The following PCDHGA7 variants were observed in gnomAD, a reference collection of about 807,000 sequenced individuals.
PCDHGA7 encodes the protein protocadherin gamma subfamily A, 7.
A neutral mutation model predicts 58.3 loss-of-function variants in PCDHGA7; 44 were observed. That is an observed-to-expected ratio of 0.75 (90% confidence interval 0.59 to 0.97). The LOEUF (loss-of-function observed/expected upper bound fraction) is 0.97, where lower values mean the gene tolerates loss of function less well. PCDHGA7 is among the 50% of genes least tolerant of loss of function. The probability of loss-of-function intolerance (pLI) is 0.00; values close to 1 mark genes in which losing one functional copy is unlikely to be tolerated. For synonymous variants in PCDHGA7, 516 were observed against 504.2 expected (o/e 1.02, Z -0.31); for missense variants, 1,266 against 1,188.7 (o/e 1.06, Z -0.96).
chr5:141,423,897 T>G, intron 1 of PCDHGA7: 7 of 1,278,866 alleles, frequency 5.5e-6, no homozygotes, highest in Non-Finnish European at 6.9e-6. Flanking sequence ...TTTCTTTTGA[T>G]TTCAAAGGGG....
In PCDHGA7 at chr5:141,431,643, A is replaced by G. The variant is rs528599572; in HGVS notation, c.2424+46320A>G. Reference sequence around the variant, plus strand: ...AAGGCGGCCCAAGTTTTCAAACTAGATTGTAATTCAGGGACAATATCAACA... The same window carrying G: ...AAGGCGGCCCAAGTTTTCAAACTAGGTTGTAATTCAGGGACAATATCAACA... On this transcript the variant is annotated intron_variant, in intron 1 of 3. Coordinates refer to ENST00000518325, the MANE Select transcript of PCDHGA7 (RefSeq NM_018920.4). The surrounding 1 kb of genome is among the most constrained non-coding windows in gnomAD (Gnocchi z 4.8). 5.0e-5 allele frequency: 81 copies of G among 1,614,240 alleles called. No individual in the cohort carries two copies. In the South Asian group the frequency reaches 7.4e-4, roughly 15 times the overall value.
intron 1 of PCDHGA7, chr5:141,422,368 G>A: frequency 1.9e-6 from 3 of 1,565,294 alleles, no homozygotes; most frequent in Non-Finnish European, 2.6e-6. Context: ...TGGAGAAAAT[G>A]GTCAAGTCTC....
At chr5:141,389,513 C>T (rs749432491) in intron 1 of PCDHGA7, 3 of 1,613,156 alleles carry the variant, frequency 1.9e-6, no homozygotes, top group South Asian at 1.1e-5. Context: ...TCAGCGCGAA[C>T]GTGAGCCTGC....
intron 1 of PCDHGA7, chr5:141,389,146 C>A (rs567517174): frequency 3.7e-6 from 6 of 1,614,000 alleles, no homozygotes; most frequent in South Asian, 3.3e-5. Flanking sequence ...ATAACCGTTA[C>A]GGCAACAGAT....
At position 141,432,783 on chromosome 5, in the gene PCDHGA7, T is replaced by G; in HGVS notation, c.2424+47460T>G. The G allele has an allele frequency of 6.2e-7, 1 of 1,614,118 alleles. No individual in the cohort carries two copies. On this transcript the variant is annotated intron_variant, in intron 1 of 3. Transcript: ENST00000518325. The surrounding 1 kb of genome is among the most constrained non-coding windows in gnomAD (Gnocchi z 6.0). ...AGCATCCCCCAAGTCCTGGCGGACC[T>G]CGGCAGCCTCGAGTCTCCAGCTAAC...
rs752088903 is a variant in PCDHGA7, at chr5:141,490,784, G to A, written c.2425-4023G>A. The A allele has an allele frequency of 1.7e-5, 27 of 1,613,906 alleles. No individual in the cohort carries two copies. The highest frequency in any genetic ancestry group is 1.2e-4 in the African/African-American group (9 of 74,922). The stretch of plus-strand genomic sequence containing the variant: ...GTGTATGTCAACCCAGAGGATGGAC[G>A]GATCTTTGCCCAGCGTACCTTTGAC... On this transcript the variant is annotated intron_variant, in intron 1 of 3. Transcript: ENST00000518325. This position sits in a 1 kb window ranked among gnomAD's most constrained non-coding sequence, Gnocchi z 5.4.
chr5:141,448,915 A>T (rs2098616551), intron 1 of PCDHGA7, among the ~76,000 whole-genome samples: 1 of 152,238 alleles, frequency 6.6e-6, no homozygotes. Context: ...ACTGCACTCC[A>T]GCCTGGGCGA....
At chr5:141,426,096 T>C (rs1296875718) in intron 1 of PCDHGA7, among the ~76,000 whole-genome samples, 6 of 152,230 alleles carry the variant, frequency 3.9e-5, no homozygotes, top group Non-Finnish European at 8.8e-5. Flanking sequence ...GATATTCTGT[T>C]CAGTCACAGA....
At position 141,383,082 on chromosome 5, in the gene PCDHGA7, G is replaced by A; in HGVS notation, c.183G>A (p.Glu61=). 2 of 1,613,934 alleles carry A rather than the reference G, an allele frequency of 1.2e-6. No individual in the cohort carries two copies. The highest frequency in any genetic ancestry group is 2.7e-5 in the African/African-American group (2 of 75,074). ...DLGLEPRELA[E]RGVRIISRGR... ...GGCTGGAGCCCCGGGAGCTGGCGGA[G>A]CGCGGAGTCCGCATCATCTCCAGAG... Residue 61 remains glutamate, a synonymous_variant, in exon 1 of 4, where the codon GAG becomes GAA. Coordinates refer to ENST00000518325, the MANE Select transcript of PCDHGA7 (RefSeq NM_018920.4).
chr5:141,420,256 T>C (rs377440259), intron 1 of PCDHGA7: 2 of 1,569,010 alleles, frequency 1.3e-6, no homozygotes, highest in Non-Finnish European at 1.7e-6. Flanking sequence ...TTGAAGCAGA[T>C]AAGAAGATTC....
At chr5:141,505,344 AGCT>A in intron 2 of PCDHGA7, 46 bp from the exon 3 acceptor site, 1 of 1,613,046 alleles carries the variant, frequency 6.2e-7, no homozygotes, top group South Asian at 1.1e-5. Flanking sequence ...GAGGGGCATG[AGCT>A]GTGCCGGCCT....
chr5:141,399,327 G>C (rs2093787081), intron 1 of PCDHGA7: 2 of 1,613,936 alleles, frequency 1.2e-6, no homozygotes, highest in African/African-American at 1.3e-5. Flanking sequence ...CGTATAAGTT[G>C]GTAACAGATG....
chr5:141,400,491 T>A, intron 1 of PCDHGA7: 1 of 1,614,080 alleles, frequency 6.2e-7, no homozygotes, highest in Non-Finnish European at 8.5e-7. Flanking sequence ...TTCCACTTTG[T>A]AATTCCAGCG....
At chr5:141,482,235 T>C (rs2099554999) in intron 1 of PCDHGA7, among the ~76,000 whole-genome samples, 1 of 152,174 alleles carries the variant, frequency 6.6e-6, no homozygotes, top group Non-Finnish European at 1.5e-5. Context: ...AAATTGCCAA[T>C]ATAAGTATAG....
chr5:141,423,877 C>A, intron 1 of PCDHGA7: 1 of 1,283,890 alleles, frequency 7.8e-7, no homozygotes, highest in Non-Finnish European at 9.9e-7. Flanking sequence ...ATTTTTCAAT[C>A]TTGGCATATT....
chr5:141,446,578 GTGAT>G (rs2098507706), intron 1 of PCDHGA7, among the ~76,000 whole-genome samples: 1 of 152,064 alleles, frequency 6.6e-6, no homozygotes, highest in African/African-American at 2.4e-5. Context: ...CCAGGTTCAA[GTGAT>G]TCTTCTGCCT....
rs149806642 is a variant in PCDHGA7 at position 141,502,449 on chromosome 5, A to T, written c.2484-2944A>T. 7.7e-3 allele frequency among the ~76,000 whole-genome samples: 1,166 copies of T among 151,886 alleles called. 15 individuals carry two copies. The highest frequency in any genetic ancestry group is 0.027 in the African/African-American group (1,103 of 41,308). On this transcript the variant is annotated intron_variant, in intron 2 of 3. Coordinates refer to ENST00000518325, the MANE Select transcript of PCDHGA7 (RefSeq NM_018920.4). The stretch of plus-strand genomic sequence containing the variant: ...TCTGATGGTTAGATTCAGATTACAC[A>T]CCTTGGTAGGAATACTTCCCGCAGC...
At chr5:141,409,741 G>A in intron 1 of PCDHGA7, 2 of 1,613,122 alleles carry the variant, frequency 1.2e-6, no homozygotes, top group Non-Finnish European at 1.7e-6. Context: ...AGAGCGGGGT[G>A]GTGTTCGCGC....
At chr5:141,451,526 G>T (rs896029145) in intron 1 of PCDHGA7, among the ~76,000 whole-genome samples, 1 of 152,168 alleles carries the variant, frequency 6.6e-6, no homozygotes, top group African/African-American at 2.4e-5. Flanking sequence ...GCAAGTAAAG[G>T]AGAGTGCCAG....
Sources: allele counts gnomAD v4.1 joint callset (sites outside exome capture counted in the v4.1 genomes callset), GRCh38; gene constraint gnomAD v4.1.1; non-coding constraint Gnocchi (gnomAD v3.1); transcripts MANE v1.5; gene names NCBI Gene and HGNC (gene_info 2026-07-23, HGNC 2026-07-21).